IRS1: variants seen among roughly 807,000 people sequenced by gnomAD.
The protein encoded by IRS1 is insulin receptor substrate 1.
Under a neutral mutation model 65.6 loss-of-function variants are expected in IRS1, and 34 were observed. That is an observed-to-expected ratio of 0.52 (90% CI 0.39 to 0.69). The LOEUF is 0.69. IRS1 is among the 30% of genes least tolerant of loss of function. The pLI, the probability that IRS1 is intolerant of heterozygous loss-of-function variation, is 0.00. For synonymous variants in IRS1, 699 were observed against 683.5 expected (o/e 1.02, Z -0.35); for missense variants, 1,641 against 1,720.2 (o/e 0.95, Z 0.81).
At chr2:226,765,162 C>A (rs1277116076) in intron 1 of IRS1, among the ~76,000 whole-genome samples, 3 of 152,274 alleles carry the variant, frequency 2.0e-5, no homozygotes. Flanking sequence ...GACTCAAACT[C>A]CTGGGCTCAA....
intron 1 of IRS1, among the ~76,000 whole-genome samples, chr2:226,776,529 C>T (rs1939278008): frequency 6.6e-6 from 1 of 152,086 alleles, no homozygotes; most frequent in Non-Finnish European, 1.5e-5. Context: ...TCAACATCGA[C>T]CTTGAGAAAT....
chr2:226,789,348 A>G (rs977725956), intron 1 of IRS1, among the ~76,000 whole-genome samples: 1 of 152,258 alleles, frequency 6.6e-6, no homozygotes, highest in Admixed American at 6.5e-5. Context: ...AACAGTCAAG[A>G]TAACACAGGG....
At chr2:226,774,497 G>T (rs1329215542) in intron 1 of IRS1, among the ~76,000 whole-genome samples, 1 of 152,050 alleles carries the variant, frequency 6.6e-6, no homozygotes, top group Non-Finnish European at 1.5e-5. Context: ...CAGAATGTTG[G>T]ACAATTTGGG....
intron 1 of IRS1, among the ~76,000 whole-genome samples, chr2:226,771,116 G>A (rs1444829744): frequency 6.6e-6 from 1 of 152,250 alleles, no homozygotes; most frequent in Admixed American, 6.5e-5. Context: ...TGTGGGCTGT[G>A]TTGTTTGTGA....
intron 1 of IRS1, among the ~76,000 whole-genome samples, chr2:226,764,591 GAA>G (rs1344727223): frequency 6.6e-6 from 1 of 152,124 alleles, no homozygotes; most frequent in Non-Finnish European, 1.5e-5. Flanking sequence ...AAATTGTCAT[GAA>G]AAGTATCTCA....
chr2:226,768,300 C>A (rs762469783), intron 1 of IRS1, among the ~76,000 whole-genome samples: 3 of 152,160 alleles, frequency 2.0e-5, no homozygotes, highest in Non-Finnish European at 2.9e-5. Context: ...AAAAACTCCA[C>A]GAACACAGAA....
intron 1 of IRS1, among the ~76,000 whole-genome samples, chr2:226,783,731 A>T (rs1289433724): frequency 6.7e-6 from 1 of 149,678 alleles, no homozygotes; most frequent in Non-Finnish European, 1.5e-5. Flanking sequence ...ATGGTATCAC[A>T]GTAAGTCAAA....
chr2:226,790,686 T>C (rs972395891), intron 1 of IRS1, among the ~76,000 whole-genome samples: 1 of 152,138 alleles, frequency 6.6e-6, no homozygotes, highest in Non-Finnish European at 1.5e-5. Context: ...AAGAGGGATG[T>C]TGGCTGGTGA....
intron 1 of IRS1, among the ~76,000 whole-genome samples, chr2:226,769,266 A>G (rs1203606543): frequency 6.6e-6 from 1 of 152,192 alleles, no homozygotes; most frequent in Non-Finnish European, 1.5e-5. Context: ...AGATGATGAA[A>G]CTGAAGACAA....
intron 1 of IRS1, among the ~76,000 whole-genome samples, chr2:226,752,381 G>A (rs2106163221): frequency 6.6e-6 from 1 of 152,300 alleles, no homozygotes; most frequent in South Asian, 2.1e-4. Context: ...TGAATCAACA[G>A]CACACACTTC....
At chr2:226,752,007 T>C (rs1285068024) in intron 1 of IRS1, among the ~76,000 whole-genome samples, 1 of 152,178 alleles carries the variant, frequency 6.6e-6, no homozygotes, top group African/African-American at 2.4e-5. Context: ...ATATAACAGG[T>C]AAATGACTAT....
chr2:226,761,962 G>A (rs1185074968), intron 1 of IRS1, among the ~76,000 whole-genome samples: 1 of 152,144 alleles, frequency 6.6e-6, no homozygotes, highest in African/African-American at 2.4e-5. Flanking sequence ...GATTGCATGG[G>A]TGCCCTGCAT....
intron 1 of IRS1, among the ~76,000 whole-genome samples, chr2:226,764,774 G>A (rs991057671): frequency 6.6e-6 from 1 of 152,178 alleles, no homozygotes; most frequent in Non-Finnish European, 1.5e-5. Context: ...GGTTGCCGTC[G>A]TCAAGGTTTG....
At position 226,736,068 on chromosome 2, in the gene IRS1, T is replaced by C. The variant is rs1316046747; in HGVS notation, c.*204A>G. The C allele has an allele frequency of 6.6e-6, 1 of 152,442 alleles. No homozygotes were observed. The highest frequency in any genetic ancestry group is 1.5e-5 in the Non-Finnish European group (1 of 68,020). 9.4% of individuals were successfully genotyped at this position (152,442 alleles called of 1,614,324 possible). On this transcript the variant is annotated 3_prime_UTR_variant, in exon 2 of 2. Transcript: ENST00000305123. ...TTTTTTTTTTTCGCTTGGCACAATATAGAACGTGCAGTTCAGTCAATGAAA... is the reference window on the plus strand; with the variant it reads ...TTTTTTTTTTTCGCTTGGCACAATACAGAACGTGCAGTTCAGTCAATGAAA...
intron 1 of IRS1, among the ~76,000 whole-genome samples, chr2:226,782,992 T>A (rs1939416235): frequency 6.6e-6 from 1 of 152,208 alleles, no homozygotes. Context: ...ACAGTGAGAC[T>A]GTGTCCCAAA....
At chr2:226,765,459 A>C (rs2106168735) in intron 1 of IRS1, among the ~76,000 whole-genome samples, 1 of 152,322 alleles carries the variant, frequency 6.6e-6, no homozygotes, top group East Asian at 1.9e-4. Flanking sequence ...CATAAGGGCC[A>C]GGAAGACTTT....
In IRS1 at chr2:226,732,730, CACAT is replaced by C. The variant is rs1559144469; in HGVS notation, c.*3538_*3541del. On this transcript the variant is annotated 3_prime_UTR_variant, in exon 2 of 2. Transcript: ENST00000305123. ...ACAAACACACACACACACACACACA[CACAT>C]ATACAGCATTACCTCCAACTAACAT... 2.2e-4 allele frequency: 33 copies of C among 151,468 alleles called. No homozygotes were observed. Among genetic ancestry groups the C allele is most frequent in the African/African-American group, 7.0e-4 (29 of 41,162 alleles). The allele number at this position is 151,468 out of a possible 1,614,324, so 9.4% of individuals were successfully genotyped here.
intron 1 of IRS1, among the ~76,000 whole-genome samples, chr2:226,747,661 A>T (rs1253694113): frequency 6.6e-6 from 1 of 152,196 alleles, no homozygotes; most frequent in East Asian, 1.9e-4. Flanking sequence ...CTTCAGACCC[A>T]TGGAAGGGCC....
At chr2:226,764,563 C>A (rs949170933) in intron 1 of IRS1, among the ~76,000 whole-genome samples, 2 of 152,130 alleles carry the variant, frequency 1.3e-5, no homozygotes, top group African/African-American at 4.8e-5. Flanking sequence ...AATCTATTTA[C>A]CTACAGAGAG....
Sources: gnomAD v4.1 joint callset for allele counts (sites outside exome capture counted in the v4.1 genomes callset) on GRCh38, gnomAD v4.1.1 for gene constraint, MANE v1.5 for transcripts, NCBI Gene and HGNC (gene_info 2026-07-23, HGNC 2026-07-21) for gene names.